NPLOC4: variants seen among roughly 807,000 people sequenced by gnomAD.
NPLOC4 encodes the protein NPL4 homolog, ubiquitin recognition factor, also known as nuclear protein localization protein 4 homolog.
A neutral mutation model predicts 80.6 loss-of-function variants in NPLOC4; 18 were observed. That is an observed-to-expected ratio of 0.22 (90% CI 0.15 to 0.33). The LOEUF (loss-of-function observed/expected upper bound fraction) is 0.33. NPLOC4 is among the 10% of genes least tolerant of loss of function. The pLI is 1.00. For missense variants in NPLOC4, 540 were observed against 786.1 expected, an observed-to-expected ratio of 0.69 and a Z score of 3.74; for synonymous variants, 313 against 301.5, an observed-to-expected ratio of 1.04 and a Z score of -0.39.
Position 81,610,875 on chromosome 17 carries a change from C to T in NPLOC4, c.387-617G>A, listed in dbSNP as rs946883246. On this transcript the variant is annotated intron_variant, in intron 4 of 16. Transcript: ENST00000331134. ...GCTGAGGCAGGAGAATGGCGTGAAC[C>T]CGGGAAGCGGAGCTTGCAGTGAGCC... Among the ~76,000 whole-genome samples, 3 of 48,146 alleles carry T rather than the reference C, an allele frequency of 6.2e-5. 1 individual carries two copies. Among genetic ancestry groups the T allele is most frequent in the African/African-American group, 1.7e-4 (3 of 17,800 alleles). The allele number at this position is 48,146 out of a possible 152,430, so 31.6% of individuals were successfully genotyped here.
intron 12 of NPLOC4, among the ~76,000 whole-genome samples, chr17:81,585,164 T>G (rs1418880401): frequency 1.3e-5 from 1 of 78,448 alleles, no homozygotes; most frequent in African/African-American, 5.6e-5. Context: ...AACGAGACTC[T>G]GTCGCCAAAA....
chr17:81,635,592 C>T (rs1434949533), intron 1 of NPLOC4, among the ~76,000 whole-genome samples: 3 of 152,090 alleles, frequency 2.0e-5, no homozygotes, highest in Admixed American at 6.6e-5. Context: ...TCCAGTGACG[C>T]CACCTAGGCT....
rs1449012641 is a variant in NPLOC4 at position 81,572,116 on chromosome 17, G to C, written c.1282-28C>G. The C allele has an allele frequency of 6.7e-7, 1 of 1,501,774 alleles. No individual in the cohort carries two copies. Among genetic ancestry groups the C allele is most frequent in the African/African-American group, 1.4e-5 (1 of 72,482 alleles). 93.0% of individuals were successfully genotyped at this position (1,501,774 alleles called of 1,614,324 possible). A position where few individuals can be genotyped will look rare whatever the true frequency, so the allele number is the denominator to read the frequency against. On this transcript the variant is annotated intron_variant, in intron 12 of 16. Coordinates refer to ENST00000331134, the MANE Select transcript of NPLOC4 (RefSeq NM_017921.4). This position sits in a 1 kb window ranked among gnomAD's most constrained non-coding sequence, Gnocchi z 4.5. ...GCAATAGTCAGAGGGGAACAGCGGT[G>C]AGCAAAGACGATCAGTAGTAATGAT...
chr17:81,620,417 A>C (rs551724929), intron 3 of NPLOC4, among the ~76,000 whole-genome samples: 1 of 151,980 alleles, frequency 6.6e-6, no homozygotes, highest in South Asian at 2.1e-4. Context: ...AAATGCTTGA[A>C]CCCGGGAGGC....
In NPLOC4 at chr17:81,567,638, G is replaced by GA; in HGVS notation, c.1450-106dup. The GA allele has an allele frequency of 1.5e-6, 1 of 686,404 alleles. No homozygotes were observed. The allele number at this position is 686,404 out of a possible 1,614,324, so 42.5% of individuals were successfully genotyped here. A position where few individuals can be genotyped will look rare whatever the true frequency, so the allele number is the denominator to read the frequency against. ...GACGCAACTCAATACACTGAATGCT[G>GA]AGACACCTCTCCCTCTGCCTCTGCA... On this transcript the variant is annotated intron_variant, in intron 14 of 16. Coordinates refer to ENST00000331134, the MANE Select transcript of NPLOC4 (RefSeq NM_017921.4). The surrounding 1 kb of genome is among the most constrained non-coding windows in gnomAD (Gnocchi z 4.5).
At chr17:81,631,878 C>A (rs377723409) in intron 1 of NPLOC4, among the ~76,000 whole-genome samples, 36 of 152,202 alleles carry the variant, frequency 2.4e-4, no homozygotes, top group African/African-American at 7.5e-4. Context: ...TGGCTCACTG[C>A]AACCTCTGCC....
chr17:81,606,843 C>CA (rs762132265), intron 6 of NPLOC4, 29 bp from the exon 7 acceptor site: 2 of 1,241,788 alleles, frequency 1.6e-6, no homozygotes, highest in African/African-American at 2.9e-5. Context: ...ACTTAAACAT[C>CA]ACATTGGTGA....
chr17:81,635,854 GGTCA>G (rs1465215694), intron 1 of NPLOC4, among the ~76,000 whole-genome samples: 1 of 152,038 alleles, frequency 6.6e-6, no homozygotes, highest in Non-Finnish European at 1.5e-5. Context: ...CCTGTCCAAT[GGTCA>G]GTTAGTTTTT....
At chr17:81,610,520 C>T (rs1436440600) in intron 4 of NPLOC4, among the ~76,000 whole-genome samples, 1 of 152,156 alleles carries the variant, frequency 6.6e-6, no homozygotes, top group Non-Finnish European at 1.5e-5. Context: ...TCAAGCACTC[C>T]CACCTCAGCC....
chr17:81,576,648 TGGC>T (rs57196616), intron 12 of NPLOC4, among the ~76,000 whole-genome samples: 21,765 of 152,224 alleles, frequency 0.14, 1,851 homozygotes, highest in Admixed American at 0.23. Flanking sequence ...AACGAAAACC[TGGC>T]GTGTGTTTGC....
chr17:81,585,523 G>A (rs7406296), intron 12 of NPLOC4, among the ~76,000 whole-genome samples: 21,695 of 151,924 alleles, frequency 0.14, 1,840 homozygotes, highest in Admixed American at 0.23. Context: ...TTAGCCAGGC[G>A]TGGTGGTGCA....
intron 3 of NPLOC4, among the ~76,000 whole-genome samples, chr17:81,615,159 G>A (rs1422170449): frequency 6.7e-6 from 1 of 148,728 alleles, no homozygotes; most frequent in Non-Finnish European, 1.5e-5. Flanking sequence ...GAGTGCAGTG[G>A]CGTGATCTTG....
intron 11 of NPLOC4, among the ~76,000 whole-genome samples, chr17:81,592,759 G>A (rs544404790): frequency 5.9e-5 from 9 of 152,262 alleles, no homozygotes; most frequent in Admixed American, 2.0e-4. Flanking sequence ...CGAGACAGGC[G>A]GATCACTTGA....
intron 12 of NPLOC4, among the ~76,000 whole-genome samples, chr17:81,578,201 TCCA>T (rs961653879): frequency 6.6e-6 from 1 of 152,142 alleles, no homozygotes; most frequent in African/African-American, 2.4e-5. Context: ...CCTCCCACTG[TCCA>T]CCACAAGCCA....
chr17:81,625,291 G>T (rs914045294), intron 2 of NPLOC4, among the ~76,000 whole-genome samples: 1 of 152,104 alleles, frequency 6.6e-6, no homozygotes, highest in Non-Finnish European at 1.5e-5. Flanking sequence ...GGAAAATCAG[G>T]ACTTCCATTT....
intron 4 of NPLOC4, 37 bp downstream of exon 4, chr17:81,613,278 TCAC>T (rs755020601): frequency 2.6e-6 from 4 of 1,555,726 alleles, no homozygotes; most frequent in Admixed American, 4.0e-5. Flanking sequence ...CCCATTAAGA[TCAC>T]CACAAGTAGG....
chr17:81,594,607 C>G (rs2034846026), intron 11 of NPLOC4, among the ~76,000 whole-genome samples: 1 of 151,904 alleles, frequency 6.6e-6, no homozygotes, highest in African/African-American at 2.4e-5. Flanking sequence ...AACCCCATCT[C>G]TACTAAAAAT....
Position 81,637,040 on chromosome 17 carries a change from C to T in NPLOC4, c.-110G>A, listed in dbSNP as rs954466868. The T allele has an allele frequency of 1.8e-6, 1 of 561,264 alleles. No individual in the cohort carries two copies. Among genetic ancestry groups the T allele is most frequent in the Non-Finnish European group, 2.5e-6 (1 of 393,960 alleles). 34.8% of individuals were successfully genotyped at this position (561,264 alleles called of 1,614,324 possible). A position where few individuals can be genotyped will look rare whatever the true frequency, so the allele number is the denominator to read the frequency against. On this transcript the variant is annotated 5_prime_UTR_variant, in exon 1 of 17. Coordinates refer to ENST00000331134, the MANE Select transcript of NPLOC4 (RefSeq NM_017921.4). ...AGCCCCGGCCCCGGCCTCCCTACGC[C>T]GCCGCCACCGCCGCTCCAGCTTCGC...
At chr17:81,604,420 G>A in intron 8 of NPLOC4, 128 bp downstream of exon 8, 1 of 751,786 alleles carries the variant, frequency 1.3e-6, no homozygotes, top group Non-Finnish European at 2.1e-6. Flanking sequence ...AAAATGTTGT[G>A]CACGTGCACC....
Sources: gnomAD v4.1 joint callset for allele counts (sites outside exome capture counted in the v4.1 genomes callset) on GRCh38, gnomAD v4.1.1 for gene constraint, Gnocchi (gnomAD v3.1) non-coding constraint, MANE v1.5 for transcripts, NCBI Gene and HGNC (gene_info 2026-07-23, HGNC 2026-07-21) for gene names.